Variants in C8orf34 observed in about 807,000 individuals in gnomAD.
The protein encoded by C8orf34 is chromosome 8 open reading frame 34, also known as uncharacterized protein C8orf34.
In C8orf34, 65 loss-of-function variants were observed where a neutral mutation model predicts 68.3. The ratio of observed to expected loss-of-function variants is 0.95; its 90% confidence interval spans 0.78 to 1.17. The LOEUF is 1.17. C8orf34 is among the 50% of genes most tolerant of loss of function. The pLI is 0.00. For synonymous variants in C8orf34, 244 were observed against 241.2 expected, an observed-to-expected ratio of 1.01 and a Z score of -0.11; for missense variants, 664 against 655.4, an observed-to-expected ratio of 1.01 and a Z score of -0.14.
At chr8:68,439,346 T>C (rs1810798572) in intron 1 of C8orf34, 153 bp from the exon 2 acceptor site, 1 of 600,056 alleles carries the variant, frequency 1.7e-6, no homozygotes. Context: ...CAGTAACTTG[T>C]AGCCGTCTGA....
At chr8:68,810,746 G>T (rs971830025) in intron 12 of C8orf34, among the ~76,000 whole-genome samples, 1 of 152,114 alleles carries the variant, frequency 6.6e-6, no homozygotes, top group Non-Finnish European at 1.5e-5. Context: ...AGGTCATCCT[G>T]ACATCTGCTC....
intron 10 of C8orf34, among the ~76,000 whole-genome samples, chr8:68,761,882 A>T (rs1402886702): frequency 6.6e-6 from 1 of 152,088 alleles, no homozygotes; most frequent in African/African-American, 2.4e-5. Flanking sequence ...TCCCGTGTCT[A>T]TGTGATTTAA....
chr8:68,650,897 A>C (rs1819339247), intron 8 of C8orf34, among the ~76,000 whole-genome samples: 1 of 152,198 alleles, frequency 6.6e-6, no homozygotes, highest in Non-Finnish European at 1.5e-5. Context: ...CCTGGCTTCC[A>C]GGTAGCCCTG....
chr8:68,746,806 C>A (rs201896837), intron 10 of C8orf34, among the ~76,000 whole-genome samples: 7 of 150,672 alleles, frequency 4.6e-5, no homozygotes, highest in Non-Finnish European at 1.0e-4. Context: ...ACCAGAGGTA[C>A]AAGGAGGAAC....
At chr8:68,689,417 T>A (rs925819042) in intron 8 of C8orf34, among the ~76,000 whole-genome samples, 2 of 151,936 alleles carry the variant, frequency 1.3e-5, no homozygotes, top group Non-Finnish European at 2.9e-5. Flanking sequence ...AATAAAAAAA[T>A]TGAAAAATAA....
chr8:68,496,758 C>T (rs1813541951), intron 5 of C8orf34, among the ~76,000 whole-genome samples: 1 of 152,048 alleles, frequency 6.6e-6, no homozygotes, highest in South Asian at 2.1e-4. Context: ...TTTTTTTGGT[C>T]AGTAATTGGA....
intron 10 of C8orf34, among the ~76,000 whole-genome samples, chr8:68,752,750 G>A (rs1186616439): frequency 2.0e-5 from 3 of 152,144 alleles, no homozygotes; most frequent in African/African-American, 7.2e-5. Context: ...TGGGTGACTG[G>A]TATTTTCCGA....
At chr8:68,656,114 A>G (rs577987905) in intron 8 of C8orf34, among the ~76,000 whole-genome samples, 1 of 152,310 alleles carries the variant, frequency 6.6e-6, no homozygotes, top group South Asian at 2.1e-4. Context: ...TGTGCCTACC[A>G]GAAATCAGGT....
At chr8:68,806,931 T>C (rs1824505539) in intron 12 of C8orf34, among the ~76,000 whole-genome samples, 1 of 152,200 alleles carries the variant, frequency 6.6e-6, no homozygotes, top group East Asian at 1.9e-4. Context: ...TACCTGGGGC[T>C]GGAGATACAC....
At chr8:68,813,496 G>A (rs1385175993) in intron 12 of C8orf34, among the ~76,000 whole-genome samples, 1 of 152,004 alleles carries the variant, frequency 6.6e-6, no homozygotes, top group East Asian at 1.9e-4. Flanking sequence ...TGCTCTATGG[G>A]ACTGGAACTT....
intron 1 of C8orf34, among the ~76,000 whole-genome samples, chr8:68,435,333 T>C (rs927371332): frequency 6.6e-6 from 1 of 151,772 alleles, no homozygotes; most frequent in South Asian, 2.1e-4. Context: ...CTAAATAGGG[T>C]TTATTAAAAA....
At chr8:68,420,061 G>C (rs1809890360) in intron 1 of C8orf34, among the ~76,000 whole-genome samples, 1 of 151,412 alleles carries the variant, frequency 6.6e-6, no homozygotes, top group Non-Finnish European at 1.5e-5. Context: ...GTTAGTGAAG[G>C]ATGACTGGCC....
intron 7 of C8orf34, among the ~76,000 whole-genome samples, chr8:68,556,255 T>G (rs997712286): frequency 6.6e-6 from 1 of 150,898 alleles, no homozygotes; most frequent in East Asian, 1.9e-4. Context: ...CTACTATCTA[T>G]AGTTAAATTT....
chr8:68,472,888 G>C (rs1408552613), intron 4 of C8orf34, among the ~76,000 whole-genome samples: 1 of 151,852 alleles, frequency 6.6e-6, no homozygotes, highest in Non-Finnish European at 1.5e-5. Context: ...TCTCGTTTTG[G>C]AACTAGCCAC....
chr8:68,445,686 T>G (rs1185718859), intron 2 of C8orf34, among the ~76,000 whole-genome samples: 1 of 152,250 alleles, frequency 6.6e-6, no homozygotes, highest in Non-Finnish European at 1.5e-5. Context: ...TGAAATTTAC[T>G]GAAATGTTTA....
chr8:68,625,348 C>G, intron 7 of C8orf34: 1 of 433,988 alleles, frequency 2.3e-6, no homozygotes, highest in Non-Finnish European at 4.1e-6. Context: ...CAAATACTCA[C>G]TTTTAGGAAA....
chr8:68,652,683 A>C (rs1819397064), intron 8 of C8orf34, among the ~76,000 whole-genome samples: 1 of 152,090 alleles, frequency 6.6e-6, no homozygotes, highest in Admixed American at 6.6e-5. Context: ...TTCCACCTTG[A>C]ATTGTCTTGG....
chr8:68,734,719 G>T (rs1487757112), intron 10 of C8orf34, among the ~76,000 whole-genome samples: 4 of 152,078 alleles, frequency 2.6e-5, no homozygotes, highest in Admixed American at 2.6e-4. Context: ...TTCCAGCCTG[G>T]GTTAAGGCGG....
At chr8:68,817,658 T>C (rs753592320) in intron 13 of C8orf34, among the ~76,000 whole-genome samples, 16 of 152,170 alleles carry the variant, frequency 1.1e-4, no homozygotes, top group Admixed American at 2.6e-4. Context: ...TATTTTCCCT[T>C]GCCATCTGTA....
Sources: allele counts gnomAD v4.1 joint callset (sites outside exome capture counted in the v4.1 genomes callset), GRCh38; gene constraint gnomAD v4.1.1; transcripts MANE v1.5; gene names NCBI Gene and HGNC (gene_info 2026-07-23, HGNC 2026-07-21).